DCDC1: variants seen among roughly 807,000 people sequenced by gnomAD.
The protein encoded by DCDC1 is doublecortin domain-containing protein 1.
DCDC1 carries 200 observed loss-of-function variants against 178.3 expected under a neutral mutation model. That is an observed-to-expected ratio of 1.12 (90% CI 1.00 to 1.26). DCDC1 has a LOEUF of 1.26. DCDC1 is among the 50% of genes most tolerant of loss of function. The probability of loss-of-function intolerance (pLI) is 0.00; values close to 1 mark genes in which losing one functional copy is unlikely to be tolerated. For missense variants in DCDC1, 1,983 were observed against 1,749.2 expected (o/e 1.13, Z -2.38); for synonymous variants, 690 against 604.8 (o/e 1.14, Z -2.07).
chr11:31,194,975 C>T (rs767510630), intron 9 of DCDC1, among the ~76,000 whole-genome samples: 2 of 152,020 alleles, frequency 1.3e-5, no homozygotes, highest in African/African-American at 2.4e-5. Context: ...AGTCTTTTCC[C>T]CTCCGGACAT....
chr11:31,213,394 A>G (rs1973082411), intron 9 of DCDC1, among the ~76,000 whole-genome samples: 1 of 151,836 alleles, frequency 6.6e-6, no homozygotes, highest in African/African-American at 2.4e-5. Context: ...TAGGAGTATT[A>G]AATCCCCAAA....
At chr11:30,954,075 G>A (rs990483243) in intron 20 of DCDC1, among the ~76,000 whole-genome samples, 2 of 132,990 alleles carry the variant, frequency 1.5e-5, no homozygotes, top group Non-Finnish European at 3.1e-5. Context: ...GCAGTGGCTC[G>A]ATCGATCTCG....
chr11:30,961,242 A>C (rs1565126718), intron 20 of DCDC1, among the ~76,000 whole-genome samples: 1 of 152,160 alleles, frequency 6.6e-6, no homozygotes, highest in Non-Finnish European at 1.5e-5. Flanking sequence ...GCACTCTTGG[A>C]AATCAACAGT....
At chr11:31,247,705 C>A (rs1043269619) in intron 8 of DCDC1, among the ~76,000 whole-genome samples, 1 of 151,936 alleles carries the variant, frequency 6.6e-6, no homozygotes, top group Non-Finnish European at 1.5e-5. Context: ...TCATACATCC[C>A]CAGTAGCACA....
At chr11:31,108,813 G>A (rs1161455264) in intron 12 of DCDC1, among the ~76,000 whole-genome samples, 1 of 152,138 alleles carries the variant, frequency 6.6e-6, no homozygotes, top group African/African-American at 2.4e-5. Flanking sequence ...CTTTGCTGTG[G>A]CAACCAAAAA....
intron 1 of DCDC1, among the ~76,000 whole-genome samples, chr11:31,345,182 A>G (rs1950750940): frequency 6.6e-6 from 1 of 152,220 alleles, no homozygotes; most frequent in African/African-American, 2.4e-5. Flanking sequence ...GTATGTGGTT[A>G]TTGCAGATAA....
At chr11:31,224,867 T>C (rs558362275) in intron 9 of DCDC1, among the ~76,000 whole-genome samples, 26 of 152,212 alleles carry the variant, frequency 1.7e-4, no homozygotes, top group African/African-American at 6.3e-4. Context: ...TAATAGATGT[T>C]AGCATGGATG....
intron 20 of DCDC1, among the ~76,000 whole-genome samples, chr11:31,040,538 C>T (rs1565210839): frequency 6.6e-6 from 1 of 152,140 alleles, no homozygotes. Context: ...CTGGTTGACA[C>T]TAAAGCTAGT....
intron 20 of DCDC1, among the ~76,000 whole-genome samples, chr11:31,015,223 C>T (rs545665941): frequency 6.6e-6 from 1 of 152,154 alleles, no homozygotes; most frequent in South Asian, 2.1e-4. Flanking sequence ...GCTGGGATTA[C>T]AGGCTTCAGC....
chr11:30,978,161 G>A (rs980755679), intron 20 of DCDC1, among the ~76,000 whole-genome samples: 1 of 152,196 alleles, frequency 6.6e-6, no homozygotes, highest in African/African-American at 2.4e-5. Flanking sequence ...TAAAAGTTAT[G>A]TGGCTATCCA....
At chr11:31,230,422 T>G (rs1975624255) in intron 9 of DCDC1, among the ~76,000 whole-genome samples, 1 of 151,974 alleles carries the variant, frequency 6.6e-6, no homozygotes, top group Non-Finnish European at 1.5e-5. Context: ...ATTACTACAC[T>G]GCAGAGGCTG....
At chr11:31,340,791 A>G (rs900668447) in intron 1 of DCDC1, among the ~76,000 whole-genome samples, 1 of 152,096 alleles carries the variant, frequency 6.6e-6, no homozygotes, top group Non-Finnish European at 1.5e-5. Flanking sequence ...CAGATATTGG[A>G]CTCACATAGC....
chr11:31,313,408 AT>A, intron 3 of DCDC1, among the ~76,000 whole-genome samples: 1 of 152,076 alleles, frequency 6.6e-6, no homozygotes, highest in Non-Finnish European at 1.5e-5. Flanking sequence ...CTTTGTTCCC[AT>A]TTTCATGAAT....
At chr11:31,355,466 T>A (rs1226556342) in intron 1 of DCDC1, among the ~76,000 whole-genome samples, 2 of 152,218 alleles carry the variant, frequency 1.3e-5, no homozygotes, top group East Asian at 3.8e-4. Context: ...CATACCTCTT[T>A]TCCCAATCTC....
At chr11:31,116,162 G>A (rs1348939446) in intron 11 of DCDC1, among the ~76,000 whole-genome samples, 1 of 151,668 alleles carries the variant, frequency 6.6e-6, no homozygotes, top group Non-Finnish European at 1.5e-5. Context: ...ACTTCACCAA[G>A]GCACATCTAC....
At chr11:30,910,844 C>T (rs1250761349) in intron 28 of DCDC1, among the ~76,000 whole-genome samples, 2 of 152,186 alleles carry the variant, frequency 1.3e-5, no homozygotes, top group Non-Finnish European at 2.9e-5. Context: ...AAGAGAATTT[C>T]AAATGGGTTG....
chr11:30,939,906 T>G (rs1339179291), intron 21 of DCDC1, among the ~76,000 whole-genome samples: 1 of 152,226 alleles, frequency 6.6e-6, no homozygotes, highest in Non-Finnish European at 1.5e-5. Flanking sequence ...ATTATTTCTG[T>G]GTGGAAATTT....
chr11:30,881,322 G>T lies in DCDC1; in HGVS notation c.5083-14C>A. The T allele has an allele frequency of 6.2e-7, 1 of 1,611,340 alleles. No individual in the cohort carries two copies. The highest frequency in any genetic ancestry group is 1.1e-5 in the South Asian group (1 of 90,690). ...GTCTTGCAGCAGCTGAGACACAGAG[G>T]GACAGCCACATTTGAATACGGAATG... On this transcript the variant is annotated splice_polypyrimidine_tract_variant and intron_variant, in intron 36 of 38. Coordinates refer to ENST00000684477, the MANE Select transcript of DCDC1 (RefSeq NM_001387274.1).
At chr11:31,182,967 A>G (rs1969009227) in intron 9 of DCDC1, among the ~76,000 whole-genome samples, 1 of 152,216 alleles carries the variant, frequency 6.6e-6, no homozygotes, top group Admixed American at 6.5e-5. Context: ...CTCTGATAAA[A>G]CAGACTTTAA....
Sources: gnomAD v4.1 joint callset for allele counts (sites outside exome capture counted in the v4.1 genomes callset) on GRCh38, gnomAD v4.1.1 for gene constraint, MANE v1.5 for transcripts, NCBI Gene and HGNC (gene_info 2026-07-23, HGNC 2026-07-21) for gene names.